Variants in EXOC3L2 observed in about 807,000 individuals in gnomAD.
The protein encoded by EXOC3L2 is exocyst complex component 3 like 2, also known as exocyst complex component 3-like protein 2.
A neutral mutation model predicts 44.4 loss-of-function variants in EXOC3L2; 17 were observed. The observed-to-expected ratio is 0.38, with a 90% CI of 0.26 to 0.57. EXOC3L2 has a LOEUF of 0.57. EXOC3L2 is among the 20% of genes least tolerant of loss of function. The pLI is 0.65. For synonymous variants in EXOC3L2, 256 were observed against 253.7 expected (o/e 1.01, Z -0.09); for missense variants, 541 against 588.4 (o/e 0.92, Z 0.83).
In EXOC3L2 at chr19:45,231,801, G is replaced by T. The variant is rs1970034930; in HGVS notation, c.1231C>A (p.Leu411Met). 2 of 1,610,822 alleles carry T rather than the reference G, an allele frequency of 1.2e-6. No homozygotes were observed. The highest frequency in any genetic ancestry group is 8.5e-7 in the Non-Finnish European group (1 of 1,177,434). ...ELGPLLSPGT[L>M]RGLEDECVTD... ...ACGCATTCATCCTCCAAACCCCGCA[G>T]GGTGCCAGGGGAGAGAAGGGGCCCC... The change falls in exon 4 of 12, where the codon CTG becomes ATG. Residue 411 changes from leucine to methionine, a missense_variant. Transcript: ENST00000413988.
intron 2 of EXOC3L2, among the ~76,000 whole-genome samples, chr19:45,235,236 A>C (rs775416174): frequency 4.6e-5 from 7 of 152,278 alleles, no homozygotes; most frequent in Non-Finnish European, 1.0e-4. Context: ...CAGAGGTTGC[A>C]GTGAGCCGAG....
intron 8 of EXOC3L2, among the ~76,000 whole-genome samples, chr19:45,222,635 T>C (rs889876348): frequency 1.3e-5 from 2 of 152,126 alleles, no homozygotes; most frequent in African/African-American, 4.8e-5. Context: ...TCTGTGTCTC[T>C]CTCTCCCTCA....
intron 11 of EXOC3L2, 43 bp downstream of exon 11, chr19:45,216,030 T>TCGGC (rs770905667): frequency 6.2e-7 from 1 of 1,607,064 alleles, no homozygotes; most frequent in Non-Finnish European, 8.5e-7. Context: ...CCAGGAGACC[T>TCGGC]CGGCCAGGCA....
rs1375234249 is a variant in EXOC3L2 at position 45,234,458 on chromosome 19, G to C, written c.892C>G (p.Arg298Gly). ...RWAEAVARAA[R>G]ERLEAAAPGA... ...GGAGCCGCTGCCTCTAGGCGCTCCC[G>C]GGCCGCGCGCGCCACGGCTTCGGCC... The change falls in exon 3 of 12, where the codon CGG becomes GGG. Residue 298 changes from arginine (R) to glycine (G), a missense_variant. Transcript: ENST00000413988. The surrounding 1 kb of genome is among the most constrained non-coding windows in gnomAD (Gnocchi z 5.0). 7.7e-6 allele frequency: 2 copies of C among 258,272 alleles called. No individual in the cohort carries two copies. The highest frequency in any genetic ancestry group is 1.5e-5 in the Non-Finnish European group (2 of 135,802). 16.0% of individuals were successfully genotyped at this position (258,272 alleles called of 1,614,324 possible). A position where few individuals can be genotyped will look rare whatever the true frequency, so the allele number is the denominator to read the frequency against.
intron 4 of EXOC3L2, among the ~76,000 whole-genome samples, chr19:45,229,265 TTAAA>T (rs1970002402): frequency 8.2e-6 from 1 of 121,966 alleles, no homozygotes; most frequent in African/African-American, 3.4e-5. Context: ...TATTTATGTA[TTAAA>T]TATATACATA....
chr19:45,239,034 C>T lies in EXOC3L2; in HGVS notation c.12G>A (p.Leu4=). Residue 4 remains leucine, a synonymous_variant, in exon 2 of 12, where the codon CTG becomes CTA. Transcript: ENST00000413988. Reference sequence around the variant, plus strand: ...TAGGGTCTGACACTCCCAGATTCTTCAGGATAGGCATTTTGACAGGTGGGG... The same window carrying T: ...TAGGGTCTGACACTCCCAGATTCTTTAGGATAGGCATTTTGACAGGTGGGG... The part of the protein sequence containing the change: MPI[L]KNLGVSDPKV... 2.5e-6 allele frequency: 1 copy of T among 399,086 alleles called. No individual in the cohort carries two copies. The highest frequency in any genetic ancestry group is 4.4e-6 in the Non-Finnish European group (1 of 226,112). 24.7% of individuals were successfully genotyped at this position (399,086 alleles called of 1,614,324 possible).
At position 45,213,211 on chromosome 19, in the gene EXOC3L2, A is replaced by T; in HGVS notation, c.2267T>A (p.Ile756Asn). The change falls in exon 12 of 12, where the codon ATC becomes AAC. Residue 756 changes from isoleucine (I) to asparagine (N), a missense_variant. By Grantham distance (149) the Ile-to-Asn change is moderately radical. Coordinates refer to ENST00000413988, the MANE Select transcript of EXOC3L2 (RefSeq NM_001382422.1). ...ACAGAAAGATGGGCGGGGCACAGGG[A>T]TGTCTGCAAAGAAGGCACGGTCCCG... ...PPRDRAFFAD[I>N]PVPRPSFCLS... is the part of the protein sequence containing the mutation. The T allele has an allele frequency of 6.2e-7, 1 of 1,611,382 alleles. No homozygotes were observed. The highest frequency in any genetic ancestry group is 8.5e-7 in the Non-Finnish European group (1 of 1,178,712).
At chr19:45,225,060 T>G in intron 7 of EXOC3L2, 147 bp from the exon 8 acceptor site, 1 of 1,047,534 alleles carries the variant, frequency 9.5e-7, no homozygotes, top group Non-Finnish European at 1.2e-6. Flanking sequence ...TGGAGAGGGG[T>G]CAGGGGATGC....
In EXOC3L2 at chr19:45,228,039, G is replaced by A. The variant is rs752348543; in HGVS notation, c.1407C>T (p.Ile469=). ...CCATCCGCTCCCCAAACTCCTGGCTGATGCGGGGTGCTCGCTCTGTGTGCT... is the reference window on the plus strand; with the variant it reads ...CCATCCGCTCCCCAAACTCCTGGCTAATGCGGGGTGCTCGCTCTGTGTGCT... ...LEEHTERAPR[I]SQEFGERMAH... The change falls in exon 6 of 12, where the codon ATC becomes ATT. Residue 469 remains isoleucine, a synonymous_variant. Transcript: ENST00000413988. The A allele has an allele frequency of 1.2e-6, 2 of 1,614,126 alleles. No individual in the cohort carries two copies. The highest frequency in any genetic ancestry group is 1.3e-5 in the African/African-American group (1 of 75,036).
At position 45,212,703 on chromosome 19, in the gene EXOC3L2, T is replaced by C; in HGVS notation, c.*366A>G. 5.9e-6 allele frequency: 1 copy of C among 169,946 alleles called. No individual in the cohort carries two copies. The highest frequency in any genetic ancestry group is 1.2e-5 in the Non-Finnish European group (1 of 83,262). 10.5% of individuals were successfully genotyped at this position (169,946 alleles called of 1,614,324 possible). On this transcript the variant is annotated 3_prime_UTR_variant, in exon 12 of 12. Coordinates refer to ENST00000413988, the MANE Select transcript of EXOC3L2 (RefSeq NM_001382422.1). ...CTGCAGCCTCGAACTCCAGTGATCC[T>C]CCAGCCTCAGCCTCACCAGTAGCTG...
rs758971752 is a variant in EXOC3L2, at chr19:45,217,577, C to G, written c.1949G>C (p.Gly650Ala). 1 of 1,551,170 alleles carries G rather than the reference C, an allele frequency of 6.4e-7. No homozygotes were observed. Among genetic ancestry groups the G allele is most frequent in the African/African-American group, 1.4e-5 (1 of 71,216 alleles). The change falls in exon 10 of 12, where the codon GGC becomes GCC. Residue 650 changes from glycine (G) to alanine (A), a missense_variant. By Grantham distance (60) the Gly-to-Ala change is moderately conservative. Transcript: ENST00000413988. ...TTGCGCCGCGTCCTCCCGGAGCCTG[C>G]CGGCCACGCGGCTGCGGGTCCGCGC... ...SSARTRSRVA[G>A]RLREDAAQLQ...
Position 45,234,629 on chromosome 19 carries a change from G to T in EXOC3L2, c.721C>A (p.Leu241Met), listed in dbSNP as rs1261884690. The change falls in exon 3 of 12, where the codon CTG becomes ATG. Residue 241 changes from leucine (L) to methionine (M), a missense_variant. Physicochemically the swap from Leu to Met is conservative, Grantham distance 15. Coordinates refer to ENST00000413988, the MANE Select transcript of EXOC3L2 (RefSeq NM_001382422.1). The surrounding 1 kb of genome is among the most constrained non-coding windows in gnomAD (Gnocchi z 5.0). ...YEALQRELWA[L>M]VRETLAGPGP... ...GGGCCCGCCAGCGTCTCGCGCACCAGCGCCCACAGCTCGCGCTGCAGGGCC... is the reference window on the plus strand; with the variant it reads ...GGGCCCGCCAGCGTCTCGCGCACCATCGCCCACAGCTCGCGCTGCAGGGCC... 8.7e-6 allele frequency: 3 copies of T among 343,796 alleles called. No individual in the cohort carries two copies. The highest frequency in any genetic ancestry group is 1.0e-5 in the Non-Finnish European group (2 of 190,588). The allele number at this position is 343,796 out of a possible 1,614,324, so 21.3% of individuals were successfully genotyped here. A position where few individuals can be genotyped will look rare whatever the true frequency, so the allele number is the denominator to read the frequency against.
chr19:45,240,135 C>T (rs999553136), intron 1 of EXOC3L2, among the ~76,000 whole-genome samples: 1 of 142,920 alleles, frequency 7.0e-6, no homozygotes, highest in Admixed American at 7.2e-5. Flanking sequence ...GACTGGGACT[C>T]ACCCTGTCAC....
At chr19:45,218,158 T>TTGCCCCCCC in intron 9 of EXOC3L2, 39 bp downstream of exon 9, 5 of 1,034,902 alleles carry the variant, frequency 4.8e-6, no homozygotes, top group Non-Finnish European at 6.7e-6. Context: ...TCCCCTCTTT[T>TTGCCCCCCC]CCCCCACCCC....
At chr19:45,214,480 T>C (rs1969812940) in intron 11 of EXOC3L2, among the ~76,000 whole-genome samples, 1 of 151,960 alleles carries the variant, frequency 6.6e-6, no homozygotes, top group South Asian at 2.1e-4. Flanking sequence ...GTTTGTTTGT[T>C]TTGAGACAGA....
rs549604604 is a variant in EXOC3L2 at position 45,214,551 on chromosome 19, G to A, written c.2121-1194C>T. On this transcript the variant is annotated intron_variant, in intron 11 of 11. Transcript: ENST00000413988. The stretch of plus-strand genomic sequence containing the variant: ...GCGATCTCAGCTCACTGCAACCTCC[G>A]CCTCCTGGGCTCAAGCAATTCTCCT... Among the ~76,000 whole-genome samples, 6 of 152,100 alleles carry A rather than the reference G, an allele frequency of 3.9e-5. No homozygotes were observed. In the East Asian group the frequency reaches 7.8e-4, roughly 20 times the overall value.
Position 45,224,906 on chromosome 19 carries a change from C to A in EXOC3L2, c.1591G>T (p.Ala531Ser). ...VNCGPPLRAL[A>S]ERLARVGPPE... ...GGCCCCACCCGGGCCAGGCGCTCGG[C>A]CAGAGCTCTGTGGGGATCAACAGAG... Residue 531 changes from alanine (A) to serine (S), a missense_variant, in exon 8 of 12, where the codon GCC becomes TCC. Physicochemically the swap from Ala to Ser is moderately conservative, Grantham distance 99. Transcript: ENST00000413988. 1 of 1,550,096 alleles carries A rather than the reference C, an allele frequency of 6.5e-7. No individual in the cohort carries two copies. The highest frequency in any genetic ancestry group is 1.2e-5 in the South Asian group (1 of 81,788).
chr19:45,224,828 T>C lies in EXOC3L2; in HGVS notation c.1669A>G (p.Thr557Ala). ...EASASALDHV[T>A]RLCHRVVANL... ...GCCACGACACGGTGGCAGAGCCGGG[T>C]CACATGGTCCAGAGCACTAGCAGAT... Residue 557 changes from threonine (T) to alanine (A), a missense_variant, in exon 8 of 12, where the codon ACC becomes GCC. Coordinates refer to ENST00000413988, the MANE Select transcript of EXOC3L2 (RefSeq NM_001382422.1). 4 of 1,591,422 alleles carry C rather than the reference T, an allele frequency of 2.5e-6. No homozygotes were observed. Among genetic ancestry groups the C allele is most frequent in the Non-Finnish European group, 3.4e-6 (4 of 1,169,424 alleles).
Position 45,217,530 on chromosome 19 carries a change from G to C in EXOC3L2, c.1996C>G (p.Leu666Val). The change falls in exon 10 of 12, where the codon CTG becomes GTG. Residue 666 changes from leucine to valine, a missense_variant and splice_region_variant. Coordinates refer to ENST00000413988, the MANE Select transcript of EXOC3L2 (RefSeq NM_001382422.1). ...CCCAACCGCGTCCCGACACTGACCA[G>C]CCGCCGGAACAGCCTCTGCAGTTGC... Reference protein sequence around the residue: ...AAQLQRLFRRLESQASWLDAV... With the variant: ...AAQLQRLFRRVESQASWLDAV... 1 of 1,576,298 alleles carries C rather than the reference G, an allele frequency of 6.3e-7. No homozygotes were observed. Among genetic ancestry groups the C allele is most frequent in the Non-Finnish European group, 8.6e-7 (1 of 1,168,364 alleles).
Sources: allele counts gnomAD v4.1 joint callset (sites outside exome capture counted in the v4.1 genomes callset), GRCh38; gene constraint gnomAD v4.1.1; non-coding constraint Gnocchi (gnomAD v3.1); transcripts MANE v1.5; gene names NCBI Gene and HGNC (gene_info 2026-07-23, HGNC 2026-07-21).